Variants in PPP2R2B observed in about 807,000 individuals in gnomAD.
PPP2R2B encodes the protein serine/threonine-protein phosphatase 2A 55 kDa regulatory subunit B beta isoform.
In PPP2R2B, 5 loss-of-function variants were observed where a neutral mutation model predicts 46.0. That is an observed-to-expected ratio of 0.11 (90% CI 0.06 to 0.23). PPP2R2B has a LOEUF of 0.23. PPP2R2B is among the 10% of genes least tolerant of loss of function. The probability of loss-of-function intolerance (pLI) is 1.00; values close to 1 mark genes in which losing one functional copy is unlikely to be tolerated. For missense variants in PPP2R2B, 367 were observed against 575.0 expected, an observed-to-expected ratio of 0.64 and a Z score of 3.70; for synonymous variants, 215 against 206.7, an observed-to-expected ratio of 1.04 and a Z score of -0.34.
intron 2 of PPP2R2B, among the ~76,000 whole-genome samples, chr5:146,834,561 GACT>G (rs1175694588): frequency 1.3e-5 from 2 of 152,150 alleles, no homozygotes; most frequent in Non-Finnish European, 2.9e-5. Flanking sequence ...GAGTGATAAT[GACT>G]ACATTTCCCA....
At chr5:147,076,187 A>G (rs1757758607) in intron 2 of PPP2R2B, among the ~76,000 whole-genome samples, 1 of 152,182 alleles carries the variant, frequency 6.6e-6, no homozygotes, top group East Asian at 1.9e-4. Flanking sequence ...TGTTATAAAT[A>G]TTGAAAATCT....
At chr5:146,662,752 T>A (rs1040683983) in intron 5 of PPP2R2B, among the ~76,000 whole-genome samples, 1 of 151,948 alleles carries the variant, frequency 6.6e-6, no homozygotes, top group Admixed American at 6.6e-5. Flanking sequence ...ATTTTTATAA[T>A]CATAAAAAGA....
At chr5:146,654,690 A>G (rs1776206265) in intron 5 of PPP2R2B, among the ~76,000 whole-genome samples, 1 of 152,186 alleles carries the variant, frequency 6.6e-6, no homozygotes, top group Non-Finnish European at 1.5e-5. Context: ...GCAAAGTATG[A>G]AAGTGAGTAG....
chr5:147,071,553 A>T (rs1316387381), intron 2 of PPP2R2B, among the ~76,000 whole-genome samples: 2 of 152,030 alleles, frequency 1.3e-5, no homozygotes, highest in Non-Finnish European at 2.9e-5. Flanking sequence ...CCTTAAACAT[A>T]CCAGATAAGC....
At chr5:146,902,497 G>C (rs943728617) in intron 1 of PPP2R2B, among the ~76,000 whole-genome samples, 2 of 152,136 alleles carry the variant, frequency 1.3e-5, no homozygotes, top group Admixed American at 1.3e-4. Flanking sequence ...ATCAGGCTTT[G>C]TTATATGCAT....
At chr5:146,730,236 A>C (rs569969925) in intron 2 of PPP2R2B, among the ~76,000 whole-genome samples, 27 of 152,338 alleles carry the variant, frequency 1.8e-4, no homozygotes, top group Non-Finnish European at 3.7e-4. Flanking sequence ...TGTTTTGGCC[A>C]GTATCTCACA....
At chr5:146,632,069 C>CCG (rs1774467437) in intron 7 of PPP2R2B, among the ~76,000 whole-genome samples, 1 of 131,094 alleles carries the variant, frequency 7.6e-6, no homozygotes, top group Non-Finnish European at 1.6e-5. Context: ...GTGCCCCCCC[C>CCG]CCCGCCCATT....
intron 1 of PPP2R2B, among the ~76,000 whole-genome samples, chr5:146,985,259 T>C (rs1382809626): frequency 6.6e-6 from 1 of 152,094 alleles, no homozygotes; most frequent in South Asian, 2.1e-4. Flanking sequence ...GATCTCGTGA[T>C]CCACCTGCCT....
chr5:146,624,304 C>T (rs1773897747), intron 7 of PPP2R2B, among the ~76,000 whole-genome samples: 1 of 152,166 alleles, frequency 6.6e-6, no homozygotes, highest in African/African-American at 2.4e-5. Flanking sequence ...TTGTAAATTT[C>T]CCCTGCAAAC....
At chr5:146,807,714 T>C (rs1293470547) in intron 2 of PPP2R2B, among the ~76,000 whole-genome samples, 1 of 150,136 alleles carries the variant, frequency 6.7e-6, no homozygotes, top group Non-Finnish European at 1.5e-5. Flanking sequence ...CACCAGAGTA[T>C]GTGCTTAACC....
At chr5:146,957,325 T>A (rs191646589) in intron 1 of PPP2R2B, among the ~76,000 whole-genome samples, 28 of 152,284 alleles carry the variant, frequency 1.8e-4, no homozygotes, top group Admixed American at 1.4e-3. Flanking sequence ...TAGTCTTGCT[T>A]CAGAAGCTCA....
intron 2 of PPP2R2B, among the ~76,000 whole-genome samples, chr5:147,062,972 G>GAGGA (rs1757303743): frequency 2.2e-5 from 2 of 90,448 alleles, no homozygotes; most frequent in South Asian, 5.1e-4. Context: ...GGGAGGGAGG[G>GAGGA]AGGGAGGGAG....
intron 2 of PPP2R2B, among the ~76,000 whole-genome samples, chr5:146,728,831 C>T (rs927820149): frequency 1.1e-4 from 16 of 152,186 alleles, no homozygotes; most frequent in African/African-American, 3.4e-4. Context: ...GATTCTGAGG[C>T]CTCCCCAGCC....
chr5:146,785,137 T>A (rs1755755584), intron 2 of PPP2R2B, among the ~76,000 whole-genome samples: 1 of 152,156 alleles, frequency 6.6e-6, no homozygotes, highest in African/African-American at 2.4e-5. Context: ...ACCTTAATAG[T>A]GGTTACAAAA....
At chr5:146,791,254 A>G (rs1202760922) in intron 2 of PPP2R2B, among the ~76,000 whole-genome samples, 2 of 152,288 alleles carry the variant, frequency 1.3e-5, no homozygotes, top group East Asian at 1.9e-4. Context: ...TCATGTAACT[A>G]TCATACTGCT....
At chr5:146,872,694 C>T (rs1291595904) in intron 2 of PPP2R2B, among the ~76,000 whole-genome samples, 2 of 152,164 alleles carry the variant, frequency 1.3e-5, no homozygotes, top group Non-Finnish European at 2.9e-5. Flanking sequence ...GTTCTAAACT[C>T]AACTCATCCA....
chr5:146,913,011 A>G (rs167634), intron 1 of PPP2R2B, among the ~76,000 whole-genome samples: 33,366 of 152,092 alleles, frequency 0.22, 5,198 homozygotes, highest in African/African-American at 0.43. Flanking sequence ...TAAAAACACT[A>G]TGTGTTCAGC....
intron 1 of PPP2R2B, among the ~76,000 whole-genome samples, chr5:147,011,105 C>G (rs2151877695): frequency 6.6e-6 from 1 of 152,300 alleles, no homozygotes; most frequent in African/African-American, 2.4e-5. Context: ...TCAGCCCACT[C>G]CAACCACTTG....
At chr5:146,742,109 A>C (rs1313468246) in intron 2 of PPP2R2B, among the ~76,000 whole-genome samples, 3 of 152,220 alleles carry the variant, frequency 2.0e-5, no homozygotes, top group Non-Finnish European at 4.4e-5. Flanking sequence ...ATGTGTCAGA[A>C]AAAAATGTTT....
Sources: allele counts gnomAD v4.1 joint callset (sites outside exome capture counted in the v4.1 genomes callset), GRCh38; gene constraint gnomAD v4.1.1; transcripts MANE v1.5; gene names NCBI Gene and HGNC (gene_info 2026-07-23, HGNC 2026-07-21).